Variants in ANO4 observed in about 807,000 individuals in gnomAD.
ANO4 encodes the protein anoctamin-4.
In ANO4, 69 loss-of-function variants were observed where a neutral mutation model predicts 141.9. The observed-to-expected ratio is 0.49, with a 90% CI of 0.40 to 0.59. ANO4 has a LOEUF of 0.59. Ranked by LOEUF, ANO4 falls within the 20% of genes least tolerant of loss-of-function variation. The pLI, the probability that ANO4 is intolerant of heterozygous loss-of-function variation, is 0.00. For missense variants in ANO4, 894 were observed against 1,162.2 expected (o/e 0.77, Z 3.36); for synonymous variants, 350 against 394.3 (o/e 0.89, Z 1.33).
At chr12:100,782,034 C>A (rs1311873155) in intron 3 of ANO4, among the ~76,000 whole-genome samples, 1 of 152,224 alleles carries the variant, frequency 6.6e-6, no homozygotes, top group South Asian at 2.1e-4. Flanking sequence ...TTGTGGACAT[C>A]AGATTCAGAA....
At chr12:101,043,660 G>T in intron 13 of ANO4, 25 bp downstream of exon 13, 1 of 1,546,524 alleles carries the variant, frequency 6.5e-7, no homozygotes, top group Non-Finnish European at 8.9e-7. Context: ...TAGCATTTTA[G>T]ATGAATTGAA....
chr12:100,799,810 A>C (rs950558746), intron 1 of ANO4, among the ~76,000 whole-genome samples: 2 of 152,186 alleles, frequency 1.3e-5, no homozygotes, highest in Admixed American at 6.5e-5. Flanking sequence ...TAAGGAAGTG[A>C]TATGACTTCC....
At chr12:101,092,248 A>G (rs188987027) in intron 17 of ANO4, among the ~76,000 whole-genome samples, 2 of 152,236 alleles carry the variant, frequency 1.3e-5, no homozygotes, top group East Asian at 3.9e-4. Flanking sequence ...AAAGTACACC[A>G]GATAATATAG....
At chr12:100,783,934 T>C (rs2033784532) in intron 3 of ANO4, among the ~76,000 whole-genome samples, 2 of 152,088 alleles carry the variant, frequency 1.3e-5, no homozygotes, top group South Asian at 4.1e-4. Flanking sequence ...TAAGGGCAAC[T>C]AATTAGTGGG....
intron 8 of ANO4, among the ~76,000 whole-genome samples, chr12:101,001,801 G>C (rs2045654726): frequency 1.3e-5 from 2 of 152,128 alleles, no homozygotes; most frequent in African/African-American, 4.8e-5. Context: ...GTGGCACTGG[G>C]GAGAAGGAGT....
intron 14 of ANO4, among the ~76,000 whole-genome samples, chr12:101,074,945 G>C (rs2048963781): frequency 1.3e-5 from 2 of 152,200 alleles, no homozygotes; most frequent in African/African-American, 4.8e-5. Flanking sequence ...AGACAACTAA[G>C]ATACAGCTCT....
At chr12:100,936,334 T>C (rs941879820) in intron 3 of ANO4, among the ~76,000 whole-genome samples, 18 of 152,136 alleles carry the variant, frequency 1.2e-4, no homozygotes, top group Non-Finnish European at 2.6e-4. Flanking sequence ...GTAGGATGTA[T>C]AGCGGCATCC....
intron 14 of ANO4, among the ~76,000 whole-genome samples, chr12:101,052,174 C>T (rs1465362479): frequency 2.0e-5 from 3 of 152,108 alleles, no homozygotes; most frequent in Non-Finnish European, 4.4e-5. Flanking sequence ...CTGGGAGGGC[C>T]TTGGCATTGG....
chr12:100,861,590 G>A (rs968661423), intron 1 of ANO4, among the ~76,000 whole-genome samples: 4 of 152,090 alleles, frequency 2.6e-5, no homozygotes, highest in Non-Finnish European at 4.4e-5. Flanking sequence ...GAATATGAAG[G>A]CCTAGGACAT....
intron 5 of ANO4, among the ~76,000 whole-genome samples, chr12:100,949,107 A>C (rs1424749815): frequency 2.6e-5 from 4 of 152,138 alleles, no homozygotes; most frequent in African/African-American, 9.7e-5. Context: ...TCTGCCAATA[A>C]CTGAGAATCC....
At chr12:100,970,703 TTCCTTC>T (rs2043890858) in intron 5 of ANO4, among the ~76,000 whole-genome samples, 1 of 129,054 alleles carries the variant, frequency 7.7e-6, no homozygotes, top group African/African-American at 2.9e-5. Context: ...CCTTCCTTCC[TTCCTTC>T]CTTCCTTCCT....
At chr12:100,951,632 A>T (rs1400339008) in intron 5 of ANO4, among the ~76,000 whole-genome samples, 1 of 152,234 alleles carries the variant, frequency 6.6e-6, no homozygotes, top group Non-Finnish European at 1.5e-5. Context: ...GAGCTGAACG[A>T]TGAGAACACA....
At chr12:101,075,843 G>C (rs2049004345) in intron 14 of ANO4, among the ~76,000 whole-genome samples, 1 of 151,812 alleles carries the variant, frequency 6.6e-6, no homozygotes, top group South Asian at 2.1e-4. Flanking sequence ...GAAAGTGCAG[G>C]GGCTCCCAAG....
chr12:100,865,931 G>A (rs950816470), intron 1 of ANO4, among the ~76,000 whole-genome samples: 1 of 152,132 alleles, frequency 6.6e-6, no homozygotes, highest in Non-Finnish European at 1.5e-5. Flanking sequence ...AGCCAGCTGT[G>A]GATGATTTCA....
chr12:100,802,784 A>AG (rs1247553633), intron 1 of ANO4, among the ~76,000 whole-genome samples: 2 of 152,168 alleles, frequency 1.3e-5, no homozygotes, highest in African/African-American at 4.8e-5. Flanking sequence ...AGTGCTATGG[A>AG]GGGAAAAAAA....
chr12:100,974,996 G>A, intron 7 of ANO4, 107 bp downstream of exon 7: 1 of 1,321,690 alleles, frequency 7.6e-7, no homozygotes, highest in Non-Finnish European at 1.1e-6. Flanking sequence ...TGTCACATGG[G>A]AAAGTTGGCT....
Position 100,755,807 on chromosome 12 carries a change from G to A in ANO4, c.358+15702G>A, listed in dbSNP as rs140261361. On this transcript the variant is annotated intron_variant, in intron 3 of 29. Coordinates refer to the ANO4 transcript ENST00000644049. ...TTTCAAGTTTGCTAACAGTGCAGCT[G>A]ATGTTCTCTCCTCTCCCTTTGCTAT... Among the ~76,000 whole-genome samples, 709 of 152,266 alleles carry A rather than the reference G, an allele frequency of 4.7e-3. 7 individuals carry two copies. The highest frequency in any genetic ancestry group is 0.016 in the African/African-American group (661 of 41,544).
At chr12:101,082,414 T>A (rs905840767) in intron 15 of ANO4, among the ~76,000 whole-genome samples, 1 of 152,166 alleles carries the variant, frequency 6.6e-6, no homozygotes, top group Non-Finnish European at 1.5e-5. Context: ...GACAGATACA[T>A]CCAGGAACAC....
intron 7 of ANO4, among the ~76,000 whole-genome samples, chr12:100,986,792 T>G (rs142076057): frequency 2.0e-5 from 3 of 152,200 alleles, no homozygotes; most frequent in African/African-American, 7.2e-5. Flanking sequence ...ACTGTTCACT[T>G]GGAAGCCAGA....
Sources: allele counts gnomAD v4.1 joint callset (sites outside exome capture counted in the v4.1 genomes callset), GRCh38; gene constraint gnomAD v4.1.1; transcripts MANE v1.5; gene names NCBI Gene and HGNC (gene_info 2026-07-23, HGNC 2026-07-21).